The following PRKD1 variants were observed in gnomAD, a reference collection of about 807,000 sequenced individuals.
The protein encoded by PRKD1 is serine/threonine-protein kinase D1.
In PRKD1, 63 loss-of-function variants were observed where a neutral mutation model predicts 95.9. The observed-to-expected ratio is 0.66, with a 90% CI of 0.54 to 0.81. The LOEUF is 0.81. Ranked by LOEUF, PRKD1 falls within the 30% of genes least tolerant of loss-of-function variation. PRKD1 has a pLI of 0.00. For synonymous variants in PRKD1, 425 were observed against 423.1 expected (o/e 1.00, Z -0.05); for missense variants, 1,048 against 1,165.3 (o/e 0.90, Z 1.47).
At chr14:29,649,960 C>T (rs987606185) in intron 4 of PRKD1, among the ~76,000 whole-genome samples, 2 of 152,156 alleles carry the variant, frequency 1.3e-5, no homozygotes, top group Admixed American at 6.5e-5. Context: ...TATGTCACTC[C>T]TCACGTTGCT....
At chr14:29,771,370 ACT>A (rs760967743) in intron 1 of PRKD1, among the ~76,000 whole-genome samples, 2 of 151,832 alleles carry the variant, frequency 1.3e-5, no homozygotes, top group African/African-American at 2.4e-5. Context: ...CACATGTATG[ACT>A]CTGGCAGTTG....
chr14:29,792,250 T>C (rs755699700), intron 1 of PRKD1, among the ~76,000 whole-genome samples: 9 of 152,124 alleles, frequency 5.9e-5, no homozygotes, highest in African/African-American at 7.2e-5. Flanking sequence ...TTCCTTTCTA[T>C]AGATTTATGT....
intron 13 of PRKD1, among the ~76,000 whole-genome samples, chr14:29,619,986 A>G (rs1054706979): frequency 6.6e-6 from 1 of 151,898 alleles, no homozygotes; most frequent in Non-Finnish European, 1.5e-5. Context: ...ACATAGATCA[A>G]TGGAACAGAA....
At chr14:29,761,139 T>C (rs1887959029) in intron 1 of PRKD1, among the ~76,000 whole-genome samples, 1 of 152,196 alleles carries the variant, frequency 6.6e-6, no homozygotes, top group African/African-American at 2.4e-5. Context: ...TTTATTCCCT[T>C]ATTTTAAGCA....
chr14:29,692,696 C>T (rs183377174), intron 2 of PRKD1, among the ~76,000 whole-genome samples: 109 of 152,302 alleles, frequency 7.2e-4, no homozygotes, highest in African/African-American at 2.5e-3. Context: ...CTCATCTTCA[C>T]TAATTCAGAT....
chr14:29,920,047 AGG>A (rs1462732646), intron 1 of PRKD1, among the ~76,000 whole-genome samples: 1 of 138,894 alleles, frequency 7.2e-6, no homozygotes, highest in Non-Finnish European at 1.5e-5. Flanking sequence ...GAAGGAAGGA[AGG>A]AAGGAAGGAA....
intron 1 of PRKD1, among the ~76,000 whole-genome samples, chr14:29,865,812 C>T (rs1718697198): frequency 6.6e-6 from 1 of 152,178 alleles, no homozygotes; most frequent in South Asian, 2.1e-4. Context: ...GCAACAGCAG[C>T]AAATCCCAAA....
chr14:29,722,802 C>T (rs937184531), intron 2 of PRKD1, among the ~76,000 whole-genome samples: 2 of 151,942 alleles, frequency 1.3e-5, no homozygotes, highest in Non-Finnish European at 2.9e-5. Flanking sequence ...AGGCCCTGCC[C>T]GGGTATACAA....
At chr14:29,865,647 T>C (rs1434559084) in intron 1 of PRKD1, among the ~76,000 whole-genome samples, 1 of 152,216 alleles carries the variant, frequency 6.6e-6, no homozygotes, top group Non-Finnish European at 1.5e-5. Context: ...CGCTCTTAGA[T>C]TTCCCAGTCT....
At chr14:29,636,841 C>G (rs113861960) in intron 6 of PRKD1, among the ~76,000 whole-genome samples, 4,216 of 152,166 alleles carry the variant, frequency 0.028, 176 homozygotes, top group African/African-American at 0.09. Context: ...TCATCATTTA[C>G]CTCCCACTTA....
chr14:29,827,125 C>T (rs754423990), intron 1 of PRKD1, among the ~76,000 whole-genome samples: 1 of 151,450 alleles, frequency 6.6e-6, no homozygotes, highest in Non-Finnish European at 1.5e-5. Context: ...TTGGGTTCAG[C>T]ATATACTGCT....
At chr14:29,650,461 C>T (rs764811092) in intron 4 of PRKD1, 1 of 152,408 alleles carries the variant, frequency 6.6e-6, no homozygotes, top group African/African-American at 2.4e-5. Context: ...CTCCTCTGTC[C>T]CGGGGCCTCA....
chr14:29,597,234 A>G (rs1158403365), intron 16 of PRKD1, among the ~76,000 whole-genome samples: 3 of 152,132 alleles, frequency 2.0e-5, no homozygotes, highest in Non-Finnish European at 4.4e-5. Context: ...ATTAAGGTAT[A>G]AGTATTTATA....
At chr14:29,786,102 T>C (rs1889262734) in intron 1 of PRKD1, among the ~76,000 whole-genome samples, 3 of 152,158 alleles carry the variant, frequency 2.0e-5, no homozygotes, top group East Asian at 1.9e-4. Context: ...ATTGAGATGA[T>C]TGCATAATTT....
intron 1 of PRKD1, among the ~76,000 whole-genome samples, chr14:29,749,822 T>G (rs866076082): frequency 6.6e-6 from 1 of 152,230 alleles, no homozygotes; most frequent in African/African-American, 2.4e-5. Flanking sequence ...AAATCTTATT[T>G]AATCATAAAT....
chr14:29,646,994 G>C (rs1023743580), intron 4 of PRKD1, among the ~76,000 whole-genome samples: 1 of 152,024 alleles, frequency 6.6e-6, no homozygotes, highest in Non-Finnish European at 1.5e-5. Context: ...TATTCCTTGA[G>C]CTAACTGTCA....
At chr14:29,628,439 G>C (rs1879768694) in intron 11 of PRKD1, among the ~76,000 whole-genome samples, 1 of 152,090 alleles carries the variant, frequency 6.6e-6, no homozygotes. Flanking sequence ...GCAAACATTT[G>C]ACGGACTGTA....
At chr14:29,619,226 A>C (rs1280968644) in intron 13 of PRKD1, among the ~76,000 whole-genome samples, 2 of 151,830 alleles carry the variant, frequency 1.3e-5, no homozygotes, top group Admixed American at 6.6e-5. Context: ...TGCCATCCCC[A>C]TTACTATTTT....
intron 1 of PRKD1, among the ~76,000 whole-genome samples, chr14:29,847,877 TC>T (rs201057177): frequency 5.3e-5 from 8 of 150,008 alleles, no homozygotes; most frequent in African/African-American, 1.7e-4. Flanking sequence ...TCTCTCTCTC[TC>T]CCCCCCCACC....
Sources: allele counts gnomAD v4.1 joint callset (sites outside exome capture counted in the v4.1 genomes callset), GRCh38; gene constraint gnomAD v4.1.1; transcripts MANE v1.5; gene names NCBI Gene and HGNC (gene_info 2026-07-23, HGNC 2026-07-21).